GULP1: variants seen among roughly 807,000 people sequenced by gnomAD.
GULP1 encodes the protein GULP PTB domain containing engulfment adaptor 1.
A neutral mutation model predicts 40.9 loss-of-function variants in GULP1; 19 were observed. The ratio of observed to expected loss-of-function variants is 0.46; its 90% CI spans 0.32 to 0.68. The LOEUF is 0.68. Among genes scored for constraint, GULP1 ranks in the 30% least tolerant of loss-of-function variants. The probability of loss-of-function intolerance (pLI) is 0.03; values close to 1 mark genes in which losing one functional copy is unlikely to be tolerated. For synonymous variants in GULP1, 119 were observed against 117.6 expected, an observed-to-expected ratio of 1.01 and a Z score of -0.08; for missense variants, 312 against 362.2, an observed-to-expected ratio of 0.86 and a Z score of 1.12.
At chr2:188,326,094 C>T (rs1411912743) in intron 1 of GULP1, among the ~76,000 whole-genome samples, 2 of 151,932 alleles carry the variant, frequency 1.3e-5, no homozygotes, top group African/African-American at 4.8e-5. Context: ...GATGATTAAC[C>T]CTACTCATCT....
intron 4 of GULP1, among the ~76,000 whole-genome samples, chr2:188,492,655 A>G (rs912317783): frequency 6.6e-6 from 1 of 152,006 alleles, no homozygotes; most frequent in Non-Finnish European, 1.5e-5. Context: ...ACTTTAAAAA[A>G]AAAGAAATTA....
chr2:188,490,838 G>C (rs1426659764), intron 4 of GULP1, among the ~76,000 whole-genome samples: 2 of 151,942 alleles, frequency 1.3e-5, no homozygotes, highest in African/African-American at 2.4e-5. Flanking sequence ...GGGTCTTACT[G>C]TGTCACCCAG....
chr2:188,346,079 C>A (rs1481666374), intron 1 of GULP1, among the ~76,000 whole-genome samples: 1 of 152,142 alleles, frequency 6.6e-6, no homozygotes, highest in Non-Finnish European at 1.5e-5. Context: ...ATTTAATAGA[C>A]CTATCTGGAT....
intron 1 of GULP1, among the ~76,000 whole-genome samples, chr2:188,318,109 G>T (rs201080000): frequency 7.9e-6 from 1 of 126,108 alleles, no homozygotes; most frequent in Non-Finnish European, 1.6e-5. Context: ...TCCATAAAAT[G>T]ATATGTTAAT....
chr2:188,402,164 G>A (rs1456522747), intron 2 of GULP1, among the ~76,000 whole-genome samples: 1 of 152,092 alleles, frequency 6.6e-6, no homozygotes, highest in Non-Finnish European at 1.5e-5. Context: ...TGGTAACAGA[G>A]GATAATTAAT....
At chr2:188,523,088 T>C (rs1685259265) in intron 5 of GULP1, among the ~76,000 whole-genome samples, 1 of 152,236 alleles carries the variant, frequency 6.6e-6, no homozygotes, top group Non-Finnish European at 1.5e-5. Context: ...TTTATGGCAG[T>C]GTGTCTTGAA....
At chr2:188,322,351 G>A (rs150501572) in intron 1 of GULP1, among the ~76,000 whole-genome samples, 1 of 151,974 alleles carries the variant, frequency 6.6e-6, no homozygotes, top group East Asian at 1.9e-4. Context: ...GCTAGGTGAG[G>A]TTGTAAATGA....
chr2:188,427,542 T>C (rs1263680005), intron 2 of GULP1, among the ~76,000 whole-genome samples: 1 of 152,190 alleles, frequency 6.6e-6, no homozygotes, highest in Non-Finnish European at 1.5e-5. Context: ...CTCAGCTGCT[T>C]CAGCTCTAGC....
intron 4 of GULP1, among the ~76,000 whole-genome samples, chr2:188,488,814 G>A (rs1163554458): frequency 4.0e-5 from 6 of 151,876 alleles, no homozygotes; most frequent in Admixed American, 3.9e-4. Context: ...GATACTTTGA[G>A]GTAACAGCAT....
chr2:188,367,325 T>C (rs77852872), intron 1 of GULP1, among the ~76,000 whole-genome samples: 1,651 of 152,316 alleles, frequency 0.011, 39 homozygotes, highest in African/African-American at 0.037. Flanking sequence ...TTGTCTCAGC[T>C]GCAGGGCAGA....
At chr2:188,311,600 A>C (rs1459020439) in intron 1 of GULP1, among the ~76,000 whole-genome samples, 1 of 152,066 alleles carries the variant, frequency 6.6e-6, no homozygotes, top group Non-Finnish European at 1.5e-5. Flanking sequence ...CTAGAAATAA[A>C]TATGAGTAGA....
intron 2 of GULP1, among the ~76,000 whole-genome samples, chr2:188,420,372 G>A (rs185277826): frequency 3.9e-5 from 6 of 152,178 alleles, no homozygotes; most frequent in Non-Finnish European, 7.4e-5. Flanking sequence ...GTAGTTTTCA[G>A]TATACAAATC....
intron 2 of GULP1, among the ~76,000 whole-genome samples, chr2:188,427,407 A>G (rs2056341611): frequency 6.6e-6 from 1 of 152,232 alleles, no homozygotes; most frequent in Admixed American, 6.5e-5. Context: ...CTTTGAAGGC[A>G]TTTCGGAGAC....
intron 7 of GULP1, among the ~76,000 whole-genome samples, chr2:188,558,218 A>G (rs1024284112): frequency 6.6e-6 from 1 of 152,106 alleles, no homozygotes; most frequent in Non-Finnish European, 1.5e-5. Flanking sequence ...TACTCCCATA[A>G]TACCCATATG....
chr2:188,463,872 C>T (rs2059909542), intron 2 of GULP1, among the ~76,000 whole-genome samples: 1 of 151,904 alleles, frequency 6.6e-6, no homozygotes, highest in Admixed American at 6.6e-5. Flanking sequence ...ATTTCAATGT[C>T]TTTTTTAAAT....
intron 4 of GULP1, among the ~76,000 whole-genome samples, chr2:188,490,681 A>G (rs545290629): frequency 6.6e-6 from 1 of 152,192 alleles, no homozygotes; most frequent in East Asian, 1.9e-4. Context: ...GGTGTTATCT[A>G]TGTCCTTAAA....
At chr2:188,485,681 C>T (rs1314935294) in intron 4 of GULP1, among the ~76,000 whole-genome samples, 1 of 151,944 alleles carries the variant, frequency 6.6e-6, no homozygotes, top group Non-Finnish European at 1.5e-5. Context: ...TTACTGTATG[C>T]CTTTGGGAAA....
chr2:188,585,563 G>T (rs1157572101), intron 10 of GULP1, among the ~76,000 whole-genome samples: 1 of 152,206 alleles, frequency 6.6e-6, no homozygotes, highest in Non-Finnish European at 1.5e-5. Flanking sequence ...ACACCACAGG[G>T]AAGCCACCAA....
chr2:188,499,135 GTATA>G (rs893185238), intron 4 of GULP1, among the ~76,000 whole-genome samples: 1,090 of 56,306 alleles, frequency 0.019, 20 homozygotes, highest in East Asian at 0.19. Context: ...ATATGTGTGT[GTATA>G]TATATATATA....
Sources: allele counts gnomAD v4.1 joint callset (sites outside exome capture counted in the v4.1 genomes callset), GRCh38; gene constraint gnomAD v4.1.1; transcripts MANE v1.5; gene names NCBI Gene and HGNC (gene_info 2026-07-23, HGNC 2026-07-21).